Variants in SDK2 observed in about 807,000 individuals in gnomAD.
SDK2 encodes protein sidekick-2.
SDK2 carries 105 observed loss-of-function variants against 253.9 expected under a neutral mutation model. The observed-to-expected ratio is 0.41, with a 90% CI of 0.35 to 0.49. SDK2 has a LOEUF of 0.49. SDK2 is among the 20% of genes least tolerant of loss of function. SDK2 has a pLI of 0.06. For missense variants in SDK2, 2,608 were observed against 3,003.0 expected (o/e 0.87, Z 3.07); for synonymous variants, 1,249 against 1,234.9 (o/e 1.01, Z -0.24).
Position 73,615,773 on chromosome 17 carries a change from A to AAC in SDK2, c.64+28250_64+28251dup, listed in dbSNP as rs576588030. On this transcript the variant is annotated intron_variant, in intron 1 of 44. Coordinates refer to ENST00000392650, the MANE Select transcript of SDK2 (RefSeq NM_001144952.2). ...TAAACCAGAGTCATGTGAAATAAGCAACACACACACACAAGTATACATGCG... is the reference window on the plus strand; with the variant it reads ...TAAACCAGAGTCATGTGAAATAAGCAACACACACACACACAAGTATACATGCG... Among the ~76,000 whole-genome samples, 753 of 152,222 alleles carry AAC rather than the reference A, an allele frequency of 4.9e-3. 6 individuals are homozygous for AAC. Among genetic ancestry groups the AAC allele is most frequent in the Middle Eastern group, 0.017 (5 of 294 alleles).
At chr17:73,624,114 C>T (rs573822530) in intron 1 of SDK2, among the ~76,000 whole-genome samples, 1 of 152,336 alleles carries the variant, frequency 6.6e-6, no homozygotes, top group East Asian at 1.9e-4. Context: ...CCTCTGAGAG[C>T]AGAAAATTGG....
At chr17:73,440,382 A>G (rs1041135442) in intron 6 of SDK2, among the ~76,000 whole-genome samples, 3 of 152,114 alleles carry the variant, frequency 2.0e-5, no homozygotes, top group Non-Finnish European at 2.9e-5. Flanking sequence ...CTGGGATTAC[A>G]GGTATGAGCC....
At chr17:73,441,616 A>C (rs757012046) in intron 5 of SDK2, among the ~76,000 whole-genome samples, 1 of 152,220 alleles carries the variant, frequency 6.6e-6, no homozygotes, top group Non-Finnish European at 1.5e-5. Context: ...CCACCACCGG[A>C]AGCCAGGAAG....
intron 2 of SDK2, among the ~76,000 whole-genome samples, chr17:73,477,291 T>A (rs1407973689): frequency 1.3e-5 from 2 of 152,028 alleles, no homozygotes; most frequent in Non-Finnish European, 2.9e-5. Flanking sequence ...GGAGACTGGC[T>A]GAGTCCAGCC....
At chr17:73,409,202 C>T (rs2063105249) in intron 18 of SDK2, among the ~76,000 whole-genome samples, 1 of 152,146 alleles carries the variant, frequency 6.6e-6, no homozygotes, top group Non-Finnish European at 1.5e-5. Flanking sequence ...AGGGGGCAGC[C>T]GGGTGTGGTG....
In SDK2 at chr17:73,541,730, G is replaced by A. The variant is rs1001871433; in HGVS notation, c.65-34133C>T. ...CGGCAGAAGGAAGGGGGCGCGGGGC[G>A]GAGTCACGCTGAGTGACAGGAATGT... On this transcript the variant is annotated intron_variant, in intron 1 of 44. Transcript: ENST00000392650. This position sits in a 1 kb window ranked among gnomAD's most constrained non-coding sequence, Gnocchi z 4.3. 2.0e-5 allele frequency among the ~76,000 whole-genome samples: 3 copies of A among 152,184 alleles called. No homozygotes were observed. Among genetic ancestry groups the A allele is most frequent in the Non-Finnish European group, 2.9e-5 (2 of 68,036 alleles).
chr17:73,461,948 C>A lies in SDK2; in HGVS notation c.332-5895G>T, dbSNP rs562169983. Among the ~76,000 whole-genome samples the A allele has an allele frequency of 4.0e-5, 6 of 149,938 alleles. No homozygotes were observed. The East Asian group carries it at 1.2e-3, about 30-fold the overall frequency. Reference sequence around the variant, plus strand: ...GAATGGATGGTTGTATGTATGTTTACATGTATGCATTATTGGGATGGTTAC... The same window carrying A: ...GAATGGATGGTTGTATGTATGTTTAAATGTATGCATTATTGGGATGGTTAC... On this transcript the variant is annotated intron_variant, in intron 3 of 44. Transcript: ENST00000392650.
chr17:73,339,046 T>A, intron 44 of SDK2, 106 bp from the exon 45 acceptor site: 2 of 1,007,318 alleles, frequency 2.0e-6, no homozygotes, highest in Non-Finnish European at 1.5e-6. Context: ...CTGCTCTGCC[T>A]CTTTCAAGAC....
Position 73,393,683 on chromosome 17 carries a change from G to T in SDK2, c.3775C>A (p.Arg1259Ser). Residue 1259 changes from arginine (R) to serine (S), a missense_variant, in exon 27 of 45, where the codon CGC (arginine) becomes AGC (serine). By Grantham distance (110) the Arg-to-Ser change is moderately radical. Transcript: ENST00000392650. ...RFWLVEGNSS[R>S]SAQLTGLGKY... Reference sequence around the variant, plus strand: ...CCCAAGCCGGTGAGCTGGGCACTGCGAGACGAGTTGCCTTCCACCAGCCAG... The same window carrying T: ...CCCAAGCCGGTGAGCTGGGCACTGCTAGACGAGTTGCCTTCCACCAGCCAG... The T allele has an allele frequency of 6.3e-7, 1 of 1,596,868 alleles. No individual in the cohort carries two copies. Among genetic ancestry groups the T allele is most frequent in the East Asian group, 2.3e-5 (1 of 44,348 alleles).
intron 1 of SDK2, among the ~76,000 whole-genome samples, chr17:73,619,024 GA>G (rs2046095071): frequency 6.6e-6 from 1 of 152,136 alleles, no homozygotes; most frequent in South Asian, 2.1e-4. Flanking sequence ...AAAATTAGCT[GA>G]GTGTGGTGGT....
rs189467563 is a variant in SDK2, at chr17:73,451,605, C to T, written c.480-3857G>A. 1.1e-4 allele frequency among the ~76,000 whole-genome samples: 16 copies of T among 152,248 alleles called. No homozygotes were observed. The East Asian group carries it at 3.1e-3, about 29-fold the overall frequency. On this transcript the variant is annotated intron_variant, in intron 4 of 44. Transcript: ENST00000392650. The stretch of plus-strand genomic sequence containing the variant: ...TTTTGGGCTCTGCTTTAACTAGTGC[C>T]TGGAGGGAAGCACCCTGGACTGGGA...
At chr17:73,391,611 G>T in intron 27 of SDK2, 73 bp from the exon 28 acceptor site, 1 of 780,722 alleles carries the variant, frequency 1.3e-6, no homozygotes, top group South Asian at 6.6e-5. Context: ...AGCTCGGGCA[G>T]AGCAGCCTGG....
Position 73,386,509 on chromosome 17 carries a change from C to G in SDK2, c.4434G>C (p.Ala1478=). ...PFTSYKFRVK[A]TNDIGDSEFS... Reference sequence around the variant, plus strand: ...ACTCGCTGTCGCCAATGTCATTGGTCGCCTTCACTCGGAACTTGTAGGACG... The same window carrying G: ...ACTCGCTGTCGCCAATGTCATTGGTGGCCTTCACTCGGAACTTGTAGGACG... Residue 1478 remains alanine (A), a synonymous_variant, in exon 31 of 45, where the codon GCG becomes GCC. Coordinates refer to ENST00000392650, the MANE Select transcript of SDK2 (RefSeq NM_001144952.2). The G allele has an allele frequency of 6.4e-7, 1 of 1,560,906 alleles. No homozygotes were observed. Among genetic ancestry groups the G allele is most frequent in the Non-Finnish European group, 8.7e-7 (1 of 1,152,302 alleles).
In SDK2 at chr17:73,338,089, G is replaced by A. The variant is rs1284882525; in HGVS notation, c.*498C>T. Reference sequence around the variant, plus strand: ...AGTGATGGTGCATGGAGGGAAGGAGGAGCAGAGAGAGAAGATAGGCGTGGC... The same window carrying A: ...AGTGATGGTGCATGGAGGGAAGGAGAAGCAGAGAGAGAAGATAGGCGTGGC... On this transcript the variant is annotated 3_prime_UTR_variant, in exon 45 of 45. Transcript: ENST00000392650. The surrounding 1 kb of genome is among the most constrained non-coding windows in gnomAD (Gnocchi z 5.0). The A allele has an allele frequency of 8.2e-6, 2 of 245,208 alleles. No homozygotes were observed. Among genetic ancestry groups the A allele is most frequent in the Non-Finnish European group, 1.6e-5 (2 of 122,224 alleles). 15.2% of individuals were successfully genotyped at this position (245,208 alleles called of 1,614,324 possible). A position where few individuals can be genotyped will look rare whatever the true frequency, so the allele number is the denominator to read the frequency against.
chr17:73,545,277 C>A (rs990661443), intron 1 of SDK2, among the ~76,000 whole-genome samples: 1 of 152,166 alleles, frequency 6.6e-6, no homozygotes, highest in Non-Finnish European at 1.5e-5. Context: ...CTGCTTCTTC[C>A]CCAGCTGCCG....
At chr17:73,566,699 C>T (rs915847695) in intron 1 of SDK2, among the ~76,000 whole-genome samples, 9 of 152,144 alleles carry the variant, frequency 5.9e-5, no homozygotes, top group Admixed American at 2.0e-4. Context: ...CTGGGCTACA[C>T]TGTGTCTATG....
intron 2 of SDK2, among the ~76,000 whole-genome samples, chr17:73,493,305 G>A (rs1048522016): frequency 2.0e-5 from 3 of 152,208 alleles, no homozygotes; most frequent in African/African-American, 4.8e-5. Context: ...GTTCATCAGG[G>A]AAGAGCTTTC....
In SDK2 at chr17:73,395,409, G is replaced by T; in HGVS notation, c.3355-17C>A. 1 of 1,604,310 alleles carries T rather than the reference G, an allele frequency of 6.2e-7. No individual in the cohort carries two copies. The highest frequency in any genetic ancestry group is 8.5e-7 in the Non-Finnish European group (1 of 1,171,418). On this transcript the variant is annotated splice_polypyrimidine_tract_variant and intron_variant, in intron 24 of 44. Coordinates refer to ENST00000392650, the MANE Select transcript of SDK2 (RefSeq NM_001144952.2). This position sits in a 1 kb window ranked among gnomAD's most constrained non-coding sequence, Gnocchi z 4.3. Reference sequence around the variant, plus strand: ...CGGGAGAGGCTGCAGCGGGGCAGGGGTGGCAAAGCTGCTATGAGCCAGGCC... The same window carrying T: ...CGGGAGAGGCTGCAGCGGGGCAGGGTTGGCAAAGCTGCTATGAGCCAGGCC...
At chr17:73,376,407 G>GC (rs1423124398) in intron 36 of SDK2, among the ~76,000 whole-genome samples, 2 of 147,190 alleles carry the variant, frequency 1.4e-5, no homozygotes, top group African/African-American at 5.2e-5. Context: ...GCATGAATGT[G>GC]CCTGCCACGC....
Sources: allele counts gnomAD v4.1 joint callset (sites outside exome capture counted in the v4.1 genomes callset), GRCh38; gene constraint gnomAD v4.1.1; non-coding constraint Gnocchi (gnomAD v3.1); transcripts MANE v1.5; gene names NCBI Gene and HGNC (gene_info 2026-07-23, HGNC 2026-07-21).